The following ASTN1 variants were observed in gnomAD, a reference collection of about 807,000 sequenced individuals.
ASTN1 encodes the protein astrotactin-1.
ASTN1 carries 41 observed loss-of-function variants against 140.7 expected under a neutral mutation model. The observed-to-expected ratio is 0.29, with a 90% CI of 0.23 to 0.38. The LOEUF (loss-of-function observed/expected upper bound fraction) is 0.38, where lower values mean the gene tolerates loss of function less well. ASTN1 is among the 10% of genes least tolerant of loss of function. The pLI is 1.00. For missense variants in ASTN1, 1,479 were observed against 1,678.8 expected (o/e 0.88, Z 2.08); for synonymous variants, 640 against 652.2 (o/e 0.98, Z 0.29).
At chr1:176,867,512 T>C (rs1044135020) in intron 22 of ASTN1, among the ~76,000 whole-genome samples, 4 of 152,172 alleles carry the variant, frequency 2.6e-5, no homozygotes, top group African/African-American at 4.8e-5. Context: ...TTGTCTCTTA[T>C]CAAAACTGAG....
chr1:177,103,162 A>C (rs537819745), intron 1 of ASTN1, among the ~76,000 whole-genome samples: 3 of 152,236 alleles, frequency 2.0e-5, no homozygotes, highest in Admixed American at 6.5e-5. Flanking sequence ...TGAGTGATGC[A>C]AATTGGTGTT....
intron 4 of ASTN1, 21 bp from the exon 5 acceptor site, chr1:177,029,762 T>A (rs1268543242): frequency 6.3e-7 from 1 of 1,595,764 alleles, no homozygotes; most frequent in South Asian, 1.1e-5. Flanking sequence ...AGCAGCATGG[T>A]CAAGAAAGCG....
intron 7 of ASTN1, among the ~76,000 whole-genome samples, chr1:177,016,617 G>A (rs1215771157): frequency 6.6e-6 from 1 of 152,174 alleles, no homozygotes; most frequent in African/African-American, 2.4e-5. Context: ...TGGCTTCATT[G>A]AGAAGGCTTC....
chr1:176,917,478 G>A (rs1400887923), intron 16 of ASTN1, among the ~76,000 whole-genome samples: 1 of 152,138 alleles, frequency 6.6e-6, no homozygotes, highest in Non-Finnish European at 1.5e-5. Flanking sequence ...CTTATCCTGG[G>A]GCAGCAGTGT....
intron 1 of ASTN1, among the ~76,000 whole-genome samples, chr1:177,163,238 T>TC (rs1395857469): frequency 1.3e-5 from 2 of 152,202 alleles, no homozygotes; most frequent in Non-Finnish European, 2.9e-5. Context: ...TTTCTTTTTT[T>TC]CTCTACTTGG....
intron 14 of ASTN1, among the ~76,000 whole-genome samples, chr1:176,941,832 G>C (rs188792031): frequency 1.3e-5 from 2 of 152,068 alleles, no homozygotes; most frequent in East Asian, 3.9e-4. Flanking sequence ...GTGCCACCTC[G>C]CACGTCTTCA....
At chr1:177,077,965 T>C (rs1180145564) in intron 1 of ASTN1, among the ~76,000 whole-genome samples, 1 of 151,932 alleles carries the variant, frequency 6.6e-6, no homozygotes, top group African/African-American at 2.4e-5. Flanking sequence ...CAGGCATAAA[T>C]AAGTGGAAGC....
intron 16 of ASTN1, among the ~76,000 whole-genome samples, chr1:176,915,715 G>A (rs956940014): frequency 5.3e-5 from 8 of 152,120 alleles, no homozygotes; most frequent in Admixed American, 2.6e-4. Flanking sequence ...GGTACAATGA[G>A]CAATCTCCAG....
chr1:177,014,908 A>C, intron 7 of ASTN1, 33 bp from the exon 8 acceptor site: 1 of 1,560,974 alleles, frequency 6.4e-7, no homozygotes. Flanking sequence ...AGAAAGAGAA[A>C]CATGAAGGAA....
chr1:176,972,018 C>CTATATAGTA (rs1673160761), intron 8 of ASTN1, among the ~76,000 whole-genome samples: 1 of 152,114 alleles, frequency 6.6e-6, no homozygotes, highest in Non-Finnish European at 1.5e-5. Context: ...TACTAGACAC[C>CTATATAGTA]TAGGCTATAT....
chr1:176,949,090 T>G, intron 12 of ASTN1, 95 bp downstream of exon 12: 17 of 1,515,124 alleles, frequency 1.1e-5, no homozygotes, highest in Non-Finnish European at 1.4e-5. Flanking sequence ...TGGCCTAGGG[T>G]GACCTATTCA....
At chr1:176,923,763 T>A (rs1670840048) in intron 16 of ASTN1, among the ~76,000 whole-genome samples, 1 of 152,150 alleles carries the variant, frequency 6.6e-6, no homozygotes, top group Non-Finnish European at 1.5e-5. Context: ...TGGAAAAGAT[T>A]CCCTGCAAAT....
chr1:177,123,749 A>C (rs1013191586), intron 1 of ASTN1, among the ~76,000 whole-genome samples: 1 of 152,202 alleles, frequency 6.6e-6, no homozygotes, highest in Non-Finnish European at 1.5e-5. Context: ...CCTCTTTCCC[A>C]CCCTGGCTCT....
At chr1:177,041,583 C>A (rs1676974419) in intron 2 of ASTN1, among the ~76,000 whole-genome samples, 1 of 152,230 alleles carries the variant, frequency 6.6e-6, no homozygotes, top group African/African-American at 2.4e-5. Context: ...TGCTCAATGT[C>A]TATTCTGGGC....
intron 1 of ASTN1, among the ~76,000 whole-genome samples, chr1:177,152,795 A>C (rs1213400404): frequency 6.6e-6 from 1 of 152,170 alleles, no homozygotes; most frequent in Admixed American, 6.6e-5. Context: ...GAATAGCAGC[A>C]AAGGGTGACT....
intron 1 of ASTN1, among the ~76,000 whole-genome samples, chr1:177,140,174 AT>A (rs997213565): frequency 2.0e-5 from 3 of 152,220 alleles, no homozygotes; most frequent in African/African-American, 7.2e-5. Flanking sequence ...AGGAAGTCAA[AT>A]GCAGTGAATG....
chr1:176,982,369 T>G (rs1206822821), intron 8 of ASTN1, among the ~76,000 whole-genome samples: 1 of 152,194 alleles, frequency 6.6e-6, no homozygotes, highest in African/African-American at 2.4e-5. Flanking sequence ...AATTCAGGGA[T>G]GGCTTATTGG....
At chr1:177,134,369 T>C (rs917968147) in intron 1 of ASTN1, among the ~76,000 whole-genome samples, 10 of 152,214 alleles carry the variant, frequency 6.6e-5, no homozygotes, top group Admixed American at 3.3e-4. Context: ...CTGATCTTGT[T>C]AGAGAACACT....
At position 177,083,899 on chromosome 1, in the gene ASTN1, C is replaced by T. The variant is rs532288072; in HGVS notation, c.284-22634G>A. 1.1e-4 allele frequency among the ~76,000 whole-genome samples: 16 copies of T among 152,302 alleles called. 1 individual carries two copies. The South Asian group carries it at 3.1e-3, about 30-fold the overall frequency. On this transcript the variant is annotated intron_variant, in intron 1 of 22. Transcript: ENST00000361833. Reference sequence around the variant, plus strand: ...AGAGTCAGAGGTCTCTAGGGATAGACGTTCTACATCCTCCTCCAAATCCTT... The same window carrying T: ...AGAGTCAGAGGTCTCTAGGGATAGATGTTCTACATCCTCCTCCAAATCCTT...
Sources: allele counts gnomAD v4.1 joint callset (sites outside exome capture counted in the v4.1 genomes callset), GRCh38; gene constraint gnomAD v4.1.1; transcripts MANE v1.5; gene names NCBI Gene and HGNC (gene_info 2026-07-23, HGNC 2026-07-21).